Variants in ESR1 observed in about 807,000 individuals in gnomAD.
ESR1 encodes the protein estrogen receptor.
A neutral mutation model predicts 52.7 loss-of-function variants in ESR1; 12 were observed. The ratio of observed to expected loss-of-function variants is 0.23; its 90% confidence interval spans 0.15 to 0.37. The LOEUF (loss-of-function observed/expected upper bound fraction) is 0.37. Among genes scored for constraint, ESR1 ranks in the 10% least tolerant of loss-of-function variants. The pLI is 1.00. For synonymous variants in ESR1, 305 were observed against 316.8 expected (o/e 0.96, Z 0.39); for missense variants, 584 against 779.7 (o/e 0.75, Z 2.99).
intron 2 of ESR1, among the ~76,000 whole-genome samples, chr6:151,873,127 G>A (rs1791250706): frequency 1.3e-5 from 2 of 152,188 alleles, no homozygotes; most frequent in Admixed American, 6.5e-5. Flanking sequence ...TACCATTCTT[G>A]AATGAAGAGC....
intron 4 of ESR1, among the ~76,000 whole-genome samples, chr6:151,958,973 C>CGTGTGTGTGTGTGT (rs58501088): frequency 0.075 from 11,120 of 148,768 alleles, 479 homozygotes; most frequent in Admixed American, 0.16. Context: ...AAAAAGTTTC[C>CGTGTGTGTGTGTGT]GTGTGTGTGT....
Position 151,970,998 on chromosome 6 carries a change from A to T in ESR1, c.1096+26490A>T, listed in dbSNP as rs138847470. Among the ~76,000 whole-genome samples, 18 of 152,276 alleles carry T rather than the reference A, an allele frequency of 1.2e-4. No individual in the cohort carries two copies. The East Asian group carries it at 3.3e-3, about 28-fold the overall frequency. On this transcript the variant is annotated intron_variant, in intron 4 of 7. Coordinates refer to ENST00000206249, the MANE Select transcript of ESR1 (RefSeq NM_000125.4). Reference sequence around the variant, plus strand: ...ACCCATACCAGAGTTGTTTGTGGACATGCCTGATTTCCTTCAGGCTGTAGG... The same window carrying T: ...ACCCATACCAGAGTTGTTTGTGGACTTGCCTGATTTCCTTCAGGCTGTAGG...
At chr6:152,116,354 G>A (rs2051210669) in intron 6 of ESR1, among the ~76,000 whole-genome samples, 1 of 152,276 alleles carries the variant, frequency 6.6e-6, no homozygotes, top group Non-Finnish European at 1.5e-5. Context: ...GAGATACTGA[G>A]ATCTCTAACT....
chr6:151,887,065 C>A (rs1051254453), intron 3 of ESR1, among the ~76,000 whole-genome samples: 51 of 150,498 alleles, frequency 3.4e-4, no homozygotes, highest in Admixed American at 2.7e-4. Context: ...AAGTATACAA[C>A]CAATTATTAA....
At chr6:151,954,501 G>A (rs1213888082) in intron 4 of ESR1, among the ~76,000 whole-genome samples, 3 of 152,176 alleles carry the variant, frequency 2.0e-5, no homozygotes, top group Non-Finnish European at 4.4e-5. Context: ...GTTTCTCTTT[G>A]TAGTGTTACA....
At chr6:151,841,201 C>T (rs559958863) in intron 1 of ESR1, among the ~76,000 whole-genome samples, 3 of 152,348 alleles carry the variant, frequency 2.0e-5, no homozygotes, top group East Asian at 1.9e-4. Context: ...TCAGTCTACA[C>T]GAGGCCTTCT....
intron 1 of ESR1, among the ~76,000 whole-genome samples, chr6:151,674,999 TTGA>T (rs1383911315): frequency 6.6e-6 from 1 of 152,228 alleles, no homozygotes; most frequent in Non-Finnish European, 1.5e-5. Context: ...GTGGAATTCC[TTGA>T]TGGTTTATGA....
chr6:151,672,798 A>G (rs923486339), intron 1 of ESR1, among the ~76,000 whole-genome samples: 14 of 149,284 alleles, frequency 9.4e-5, no homozygotes, highest in African/African-American at 3.2e-4. Context: ...AATATGTTTT[A>G]ACATTCTTTG....
intron 4 of ESR1, among the ~76,000 whole-genome samples, chr6:151,991,171 T>C (rs1186628066): frequency 6.6e-6 from 1 of 152,190 alleles, no homozygotes; most frequent in African/African-American, 2.4e-5. Flanking sequence ...TTCCAGGATG[T>C]ATAACTCCTG....
chr6:151,713,179 G>C (rs541247641), intron 2 of ESR1, among the ~76,000 whole-genome samples: 1 of 152,266 alleles, frequency 6.6e-6, no homozygotes, highest in Non-Finnish European at 1.5e-5. Flanking sequence ...TGCATCCCAG[G>C]GATGAAGCTG....
chr6:152,107,463 A>G (rs1007511419), downstream of ESR1, among the ~76,000 whole-genome samples: 3 of 152,092 alleles, frequency 2.0e-5, no homozygotes. Flanking sequence ...TTTAAAACTT[A>G]TTTCTGTCTC....
At chr6:152,090,056 G>A (rs1006963260) in intron 6 of ESR1, among the ~76,000 whole-genome samples, 4 of 152,198 alleles carry the variant, frequency 2.6e-5, no homozygotes. Context: ...TAGGGACAGT[G>A]CCACTCCCGG....
intron 6 of ESR1, among the ~76,000 whole-genome samples, chr6:152,074,585 A>AT (rs1562756064): frequency 6.6e-6 from 1 of 152,184 alleles, no homozygotes; most frequent in Non-Finnish European, 1.5e-5. Context: ...GTTGATATGC[A>AT]TTTTTAATGC....
chr6:152,109,142 C>A (rs543007116), intron 6 of ESR1, among the ~76,000 whole-genome samples: 1 of 152,250 alleles, frequency 6.6e-6, no homozygotes, highest in East Asian at 1.9e-4. Flanking sequence ...AGGATAGCAC[C>A]AGAGGGGATG....
intron 4 of ESR1, among the ~76,000 whole-genome samples, chr6:151,958,344 TTTA>T (rs2037240719): frequency 6.6e-6 from 1 of 152,216 alleles, no homozygotes; most frequent in African/African-American, 2.4e-5. Context: ...TTATTGAGTG[TTTA>T]TTATCTTCAC....
chr6:151,706,952 T>G (rs1780231050), intron 2 of ESR1, among the ~76,000 whole-genome samples: 1 of 152,066 alleles, frequency 6.6e-6, no homozygotes, highest in Non-Finnish European at 1.5e-5. Flanking sequence ...TGTTCCAGGG[T>G]TTATATGACA....
chr6:152,059,152 T>C (rs1353606326), intron 5 of ESR1, among the ~76,000 whole-genome samples: 1 of 152,118 alleles, frequency 6.6e-6, no homozygotes, highest in Non-Finnish European at 1.5e-5. Flanking sequence ...ATCACACTCT[T>C]TAAATGGGCA....
chr6:151,936,719 C>T (rs2034404499), intron 3 of ESR1, among the ~76,000 whole-genome samples: 4 of 152,084 alleles, frequency 2.6e-5, no homozygotes, highest in Admixed American at 2.6e-4. Context: ...TCAATCAGTG[C>T]AGGATGTTAT....
chr6:151,849,657 T>A (rs867851983), intron 2 of ESR1, among the ~76,000 whole-genome samples: 23 of 146,364 alleles, frequency 1.6e-4, no homozygotes, highest in African/African-American at 4.0e-4. Context: ...AAAAAAAAAA[T>A]AATAATGATA....
Sources: allele counts gnomAD v4.1 joint callset (sites outside exome capture counted in the v4.1 genomes callset), GRCh38; gene constraint gnomAD v4.1.1; transcripts MANE v1.5; gene names NCBI Gene and HGNC (gene_info 2026-07-23, HGNC 2026-07-21).